The following RNF185 variants were observed in gnomAD, a reference collection of about 807,000 sequenced individuals.
The protein encoded by RNF185 is ring finger protein 185.
A neutral mutation model predicts 24.9 loss-of-function variants in RNF185; 13 were observed. That is an observed-to-expected ratio of 0.52 (90% CI 0.34 to 0.83). The LOEUF is 0.83. Ranked by LOEUF, RNF185 falls within the 40% of genes least tolerant of loss-of-function variation. The probability of loss-of-function intolerance (pLI) is 0.01; values close to 1 mark genes in which losing one functional copy is unlikely to be tolerated. For synonymous variants in RNF185, 79 were observed against 90.3 expected (o/e 0.88, Z 0.71); for missense variants, 184 against 244.7 (o/e 0.75, Z 1.65).
intron 1 of RNF185, among the ~76,000 whole-genome samples, chr22:31,183,399 GTATT>G (rs2048059038): frequency 1.3e-5 from 2 of 150,348 alleles, no homozygotes; most frequent in South Asian, 4.2e-4. Context: ...TTTAATTTTA[GTATT>G]TATTGATCAT....
At chr22:31,189,139 G>A (rs903885701) in intron 2 of RNF185, among the ~76,000 whole-genome samples, 19 of 145,624 alleles carry the variant, frequency 1.3e-4, no homozygotes, top group South Asian at 6.4e-4. Flanking sequence ...AAAAAAATGT[G>A]TGTGTGTGTG....
chr22:31,166,654 CTCT>C (rs1288903268), intron 1 of RNF185, among the ~76,000 whole-genome samples: 4 of 147,346 alleles, frequency 2.7e-5, no homozygotes, highest in East Asian at 2.0e-4. Context: ...CTTCCTCTTC[CTCT>C]TCTTCTTCTC....
At chr22:31,193,520 G>A (rs2048175107) in intron 3 of RNF185, among the ~76,000 whole-genome samples, 1 of 152,182 alleles carries the variant, frequency 6.6e-6, no homozygotes, top group South Asian at 2.1e-4. Flanking sequence ...TTGGCCGGGT[G>A]TGGTGGCTCA....
intron 2 of RNF185, among the ~76,000 whole-genome samples, chr22:31,189,500 C>T (rs926531582): frequency 5.9e-5 from 9 of 151,336 alleles, no homozygotes; most frequent in Non-Finnish European, 5.9e-5. Flanking sequence ...CTTCGCCATG[C>T]TGGCCAAGCT....
chr22:31,179,695 C>T (rs2048015379), intron 1 of RNF185, among the ~76,000 whole-genome samples: 1 of 152,340 alleles, frequency 6.6e-6, no homozygotes, highest in African/African-American at 2.4e-5. Flanking sequence ...CCACTCCCTG[C>T]AAACTCTGAG....
rs577819423 is a variant in RNF185, at chr22:31,168,075, T to C, written c.-49+7772T>C. 3.3e-5 allele frequency among the ~76,000 whole-genome samples: 5 copies of C among 152,358 alleles called. No homozygotes were observed. The South Asian group carries it at 1.0e-3, about 32-fold the overall frequency. ...TTGCAAAAGTGAAACTCTGTGTCTA[T>C]TAAACAATAACTCCCTATTTCTTCT... On this transcript the variant is annotated intron_variant, in intron 1 of 6. Transcript: ENST00000326132.
intron 1 of RNF185, among the ~76,000 whole-genome samples, chr22:31,182,212 A>G (rs2048045688): frequency 6.6e-6 from 1 of 151,496 alleles, no homozygotes; most frequent in Non-Finnish European, 1.5e-5. Flanking sequence ...CCCAGGCCCA[A>G]GTGATCCTCC....
chr22:31,166,880 C>A (rs1923956206), intron 1 of RNF185, among the ~76,000 whole-genome samples: 1 of 152,116 alleles, frequency 6.6e-6, no homozygotes, highest in Admixed American at 6.6e-5. Flanking sequence ...GAACTCCTGA[C>A]CTCAGACGAT....
chr22:31,190,412 G>A (rs1239732099), intron 2 of RNF185, among the ~76,000 whole-genome samples: 6 of 151,356 alleles, frequency 4.0e-5, no homozygotes, highest in African/African-American at 1.5e-4. Context: ...TCAGCCTCCC[G>A]AGAAGCTGGG....
intron 5 of RNF185, among the ~76,000 whole-genome samples, chr22:31,200,220 G>T (rs536376813): frequency 6.6e-6 from 1 of 152,072 alleles, no homozygotes; most frequent in Non-Finnish European, 1.5e-5. Flanking sequence ...AGCAAAGCAT[G>T]GAGGGGTACA....
At position 31,170,566 on chromosome 22, in the gene RNF185, G is replaced by C. The variant is rs567455422; in HGVS notation, c.-49+10263G>C. On this transcript the variant is annotated intron_variant, in intron 1 of 6. Coordinates refer to ENST00000326132, the MANE Select transcript of RNF185 (RefSeq NM_152267.4). Reference sequence around the variant, plus strand: ...CACTCTGTCACCCAGGGTGGAGTGCGGTAGTATGATCTCAGCTCACTGCAA... The same window carrying C: ...CACTCTGTCACCCAGGGTGGAGTGCCGTAGTATGATCTCAGCTCACTGCAA... Among the ~76,000 whole-genome samples, 15 of 151,394 alleles carry C rather than the reference G, an allele frequency of 9.9e-5. No individual in the cohort carries two copies. In the East Asian group the frequency reaches 2.9e-3, roughly 30 times the overall value.
intron 1 of RNF185, among the ~76,000 whole-genome samples, chr22:31,180,903 TTCTCTCTC>T (rs59737558): frequency 3.0e-5 from 4 of 134,258 alleles, no homozygotes; most frequent in African/African-American, 8.2e-5. Flanking sequence ...TCTAGGCATT[TTCTCTCTC>T]TCTCTGTGTG....
intron 1 of RNF185, among the ~76,000 whole-genome samples, chr22:31,172,396 C>T (rs1875822331): frequency 6.6e-6 from 1 of 151,948 alleles, no homozygotes; most frequent in African/African-American, 2.4e-5. Flanking sequence ...ATTAATCTTA[C>T]TGCTTCCTCA....
intron 1 of RNF185, among the ~76,000 whole-genome samples, chr22:31,171,908 C>T (rs1388476506): frequency 2.6e-5 from 4 of 151,796 alleles, no homozygotes; most frequent in Admixed American, 2.0e-4. Flanking sequence ...GCGGAGGTTG[C>T]GGTGAGCCAA....
At chr22:31,165,692 G>A (rs764912442) in intron 1 of RNF185, among the ~76,000 whole-genome samples, 1 of 152,232 alleles carries the variant, frequency 6.6e-6, no homozygotes, top group Non-Finnish European at 1.5e-5. Context: ...ATGGGCAAGT[G>A]AAAGGAAGGG....
intron 1 of RNF185, among the ~76,000 whole-genome samples, chr22:31,169,701 T>C (rs1924160950): frequency 6.6e-6 from 1 of 152,158 alleles, no homozygotes; most frequent in South Asian, 2.1e-4. Flanking sequence ...CATGCGCCAC[T>C]GCTCTTGGCT....
chr22:31,174,003 A>G (rs866818860), intron 1 of RNF185, among the ~76,000 whole-genome samples: 2 of 152,338 alleles, frequency 1.3e-5, no homozygotes, highest in African/African-American at 4.8e-5. Context: ...ATATACAAAA[A>G]CAGTTTACCT....
chr22:31,194,848 G>T (rs1245258030), intron 3 of RNF185, among the ~76,000 whole-genome samples: 1 of 152,206 alleles, frequency 6.6e-6, no homozygotes, highest in Admixed American at 6.5e-5. Flanking sequence ...CTAAATTGAG[G>T]CTGGGCATGT....
intron 1 of RNF185, among the ~76,000 whole-genome samples, chr22:31,162,668 T>A (rs1213895278): frequency 6.6e-6 from 1 of 151,186 alleles, no homozygotes; most frequent in Non-Finnish European, 1.5e-5. Context: ...TGACCTAGAG[T>A]GGGGATCTGC....
Sources: gnomAD v4.1 joint callset for allele counts (sites outside exome capture counted in the v4.1 genomes callset) on GRCh38, gnomAD v4.1.1 for gene constraint, MANE v1.5 for transcripts, NCBI Gene and HGNC (gene_info 2026-07-23, HGNC 2026-07-21) for gene names.